GCGR: variants seen among roughly 807,000 people sequenced by gnomAD.
GCGR encodes glucagon receptor.
Under a neutral mutation model 56.1 loss-of-function variants are expected in GCGR, and 41 were observed. The ratio of observed to expected loss-of-function variants is 0.73; its 90% confidence interval spans 0.57 to 0.95. GCGR has a LOEUF of 0.95. Among genes scored for constraint, GCGR ranks in the 40% least tolerant of loss-of-function variants. The pLI is 0.00. For synonymous variants in GCGR, 278 were observed against 271.1 expected (o/e 1.03, Z -0.25); for missense variants, 595 against 638.2 (o/e 0.93, Z 0.73).
chr17:81,812,924 C>T lies in GCGR; in HGVS notation c.1155C>T (p.Asp385=). Reference sequence around the variant, plus strand: ...TGCGCTCCGCCAAGCTCTTCTTCGACCTCTTCCTCAGCTCCTTCCAGGTGC... The same window carrying T: ...TGCGCTCCGCCAAGCTCTTCTTCGATCTCTTCCTCAGCTCCTTCCAGGTGC... The part of the protein sequence containing the change: ...GTLRSAKLFF[D]LFLSSFQGLL... Residue 385 remains aspartate (D), a synonymous_variant, in exon 12 of 14, where the codon GAC becomes GAT. Coordinates refer to ENST00000400723, the MANE Select transcript of GCGR (RefSeq NM_000160.5). The surrounding 1 kb of genome is among the most constrained non-coding windows in gnomAD (Gnocchi z 8.5). 6.5e-7 allele frequency: 1 copy of T among 1,536,052 alleles called. No individual in the cohort carries two copies. The highest frequency in any genetic ancestry group is 1.2e-5 in the South Asian group (1 of 84,044).
At position 81,811,785 on chromosome 17, in the gene GCGR, C is replaced by T; in HGVS notation, c.792C>T (p.Phe264=). 6.5e-7 allele frequency: 1 copy of T among 1,537,544 alleles called. No individual in the cohort carries two copies. Among genetic ancestry groups the T allele is most frequent in the Non-Finnish European group, 8.7e-7 (1 of 1,147,140 alleles). The change falls in exon 8 of 14, where the codon TTC becomes TTT. Residue 264 remains phenylalanine, a synonymous_variant. Coordinates refer to ENST00000400723, the MANE Select transcript of GCGR (RefSeq NM_000160.5). This position sits in a 1 kb window ranked among gnomAD's most constrained non-coding sequence, Gnocchi z 5.8. Reference sequence around the variant, plus strand: ...CCACCCTCCCCGAGAGGAGCTTCTTCAGCCTCTACCTGGGCATCGGCTGGG... The same window carrying T: ...CCACCCTCCCCGAGAGGAGCTTCTTTAGCCTCTACCTGGGCATCGGCTGGG... ...GLATLPERSF[F]SLYLGIGWGA...
chr17:81,810,544 T>TG lies in GCGR; in HGVS notation c.164-275dup, dbSNP rs779409372. Among the ~76,000 whole-genome samples the TG allele has an allele frequency of 6.6e-5, 10 of 151,788 alleles. No homozygotes were observed. Among genetic ancestry groups the TG allele is most frequent in the Admixed American group, 2.0e-4 (3 of 15,258 alleles). ...GTGTGGGTTTGGGGCACATTTGAGA[T>TG]GGGGGGTCTCCAAGGGAAGGTGTCC... On this transcript the variant is annotated intron_variant, in intron 3 of 13. Coordinates refer to ENST00000400723, the MANE Select transcript of GCGR (RefSeq NM_000160.5). The surrounding 1 kb of genome is among the most constrained non-coding windows in gnomAD (Gnocchi z 4.6).
Position 81,809,821 on chromosome 17 carries a change from G to A in GCGR, c.100G>A (p.Glu34Lys). Residue 34 changes from glutamate to lysine, a missense_variant, in exon 3 of 14, where the codon GAG becomes AAG. Physicochemically the swap from Glu to Lys is moderately conservative, Grantham distance 56. Coordinates refer to ENST00000400723, the MANE Select transcript of GCGR (RefSeq NM_000160.5). The stretch of plus-strand genomic sequence containing the variant: ...CGCTCAGGTGATGGACTTCCTGTTT[G>A]AGAAGTGGAAGCTCTACGGTGACCA... The part of the protein sequence containing the change: ...PSAQVMDFLF[E>K]KWKLYGDQCH... The A allele has an allele frequency of 6.5e-7, 1 of 1,536,726 alleles. No individual in the cohort carries two copies. The highest frequency in any genetic ancestry group is 8.7e-7 in the Non-Finnish European group (1 of 1,146,880).
chr17:81,805,713 C>A (rs2037948604), intron 1 of GCGR, among the ~76,000 whole-genome samples: 1 of 152,094 alleles, frequency 6.6e-6, no homozygotes, highest in Admixed American at 6.5e-5. Context: ...ACCTTGGGAA[C>A]CCCTCCCCTA....
rs1272763400 is a variant in GCGR at position 81,813,459 on chromosome 17, C to T, written c.1219-15C>T. On this transcript the variant is annotated splice_polypyrimidine_tract_variant and intron_variant, in intron 13 of 13. Transcript: ENST00000400723. The surrounding 1 kb of genome is among the most constrained non-coding windows in gnomAD (Gnocchi z 5.3). ...GGCAGGCCCTAGGACTGGCCTGCCCCGTCCCCCTCCCCAGGTGCAGTCGGA... is the reference window on the plus strand; with the variant it reads ...GGCAGGCCCTAGGACTGGCCTGCCCTGTCCCCCTCCCCAGGTGCAGTCGGA... The T allele has an allele frequency of 5.2e-6, 8 of 1,533,598 alleles. No individual in the cohort carries two copies. Among genetic ancestry groups the T allele is most frequent in the African/African-American group, 1.4e-5 (1 of 73,072 alleles). The allele number at this position is 1,533,598 out of a possible 1,614,324, so 95.0% of individuals were successfully genotyped here.
At position 81,810,962 on chromosome 17, in the gene GCGR, G is replaced by T. The variant is rs1221168918; in HGVS notation, c.271+30G>T. On this transcript the variant is annotated intron_variant, in intron 4 of 13. Coordinates refer to ENST00000400723, the MANE Select transcript of GCGR (RefSeq NM_000160.5). This position sits in a 1 kb window ranked among gnomAD's most constrained non-coding sequence, Gnocchi z 4.6. The stretch of plus-strand genomic sequence containing the variant: ...CCATAGAGGGGAGGAACTGTGGGGG[G>T]GGCGGGCCCAGGGTGGGGCTGACCC... 1.8e-5 allele frequency: 28 copies of T among 1,535,160 alleles called. No homozygotes were observed. The highest frequency in any genetic ancestry group is 2.4e-5 in the Non-Finnish European group (27 of 1,146,094).
At position 81,811,515 on chromosome 17, in the gene GCGR, G is replaced by C. The variant is rs1190563230; in HGVS notation, c.612G>C (p.Gln204His). 4 of 1,536,630 alleles carry C rather than the reference G, an allele frequency of 2.6e-6. No individual in the cohort carries two copies. Among genetic ancestry groups the C allele is most frequent in the Non-Finnish European group, 1.7e-6 (2 of 1,146,862 alleles). The change falls in exon 7 of 14, where the codon CAG becomes CAC. Residue 204 changes from glutamine to histidine, a missense_variant. Coordinates refer to ENST00000400723, the MANE Select transcript of GCGR (RefSeq NM_000160.5). This position sits in a 1 kb window ranked among gnomAD's most constrained non-coding sequence, Gnocchi z 5.8. ...GGCTGCTCAGGACCCGCTACAGCCAGAAAATTGGCGACGACCTCAGTGTCA... is the reference window on the plus strand; with the variant it reads ...GGCTGCTCAGGACCCGCTACAGCCACAAAATTGGCGACGACCTCAGTGTCA... ...IDGLLRTRYS[Q>H]KIGDDLSVST...
At position 81,810,356 on chromosome 17, in the gene GCGR, A is replaced by G. The variant is rs560039246; in HGVS notation, c.164-469A>G. The stretch of plus-strand genomic sequence containing the variant: ...GGTTCGGATGAGGGAGGCAGCCACC[A>G]CTGGGCAGAGGGGGGCAGGTGTGGC... On this transcript the variant is annotated intron_variant, in intron 3 of 13. Transcript: ENST00000400723. This position sits in a 1 kb window ranked among gnomAD's most constrained non-coding sequence, Gnocchi z 4.6. 2.1e-5 allele frequency: 7 copies of G among 327,544 alleles called. No individual in the cohort carries two copies. In the East Asian group the frequency reaches 3.1e-4, roughly 15 times the overall value. 20.3% of individuals were successfully genotyped at this position (327,544 alleles called of 1,614,324 possible).
At position 81,813,768 on chromosome 17, in the gene GCGR, C is replaced by T. The variant is rs1021117465; in HGVS notation, c.*79C>T. 24 of 1,397,886 alleles carry T rather than the reference C, an allele frequency of 1.7e-5. No individual in the cohort carries two copies. Among genetic ancestry groups the T allele is most frequent in the Non-Finnish European group, 2.3e-5 (24 of 1,041,416 alleles). 86.6% of individuals were successfully genotyped at this position (1,397,886 alleles called of 1,614,324 possible). A position where few individuals can be genotyped will look rare whatever the true frequency, so the allele number is the denominator to read the frequency against. ...GGACAACCCAGAACTGGACGCCCAG[C>T]TGAGGCTGGGGGCGGGGGAGCCAAC... On this transcript the variant is annotated 3_prime_UTR_variant, in exon 14 of 14. Transcript: ENST00000400723. The surrounding 1 kb of genome is among the most constrained non-coding windows in gnomAD (Gnocchi z 5.3).
Position 81,811,344 on chromosome 17 carries a change from C to G in GCGR, c.500+16C>G. 1 of 1,534,444 alleles carries G rather than the reference C, an allele frequency of 6.5e-7. No homozygotes were observed. The highest frequency in any genetic ancestry group is 8.7e-7 in the Non-Finnish European group (1 of 1,145,504). ...GGGGCCTCAGGTAGGATTCCGCCAG[C>G]GCCCGGGGCGGCCGCAGAGGACAGG... On this transcript the variant is annotated intron_variant, in intron 6 of 13. Transcript: ENST00000400723. This position sits in a 1 kb window ranked among gnomAD's most constrained non-coding sequence, Gnocchi z 5.8.
chr17:81,810,462 G>C lies in GCGR; in HGVS notation c.164-363G>C, dbSNP rs1001342989. The C allele has an allele frequency of 1.5e-5, 6 of 390,886 alleles. No individual in the cohort carries two copies. Among genetic ancestry groups the C allele is most frequent in the African/African-American group, 1.2e-4 (6 of 48,956 alleles). 24.2% of individuals were successfully genotyped at this position (390,886 alleles called of 1,614,324 possible). ...TGGGAAGGATGAAAATGGCATTGGG[G>C]TTCAGCCCCCAGAGAGGGAGGTGCT... On this transcript the variant is annotated intron_variant, in intron 3 of 13. Coordinates refer to ENST00000400723, the MANE Select transcript of GCGR (RefSeq NM_000160.5). The surrounding 1 kb of genome is among the most constrained non-coding windows in gnomAD (Gnocchi z 4.6).
At chr17:81,807,650 C>T (rs758521570) in intron 1 of GCGR, among the ~76,000 whole-genome samples, 6 of 152,254 alleles carry the variant, frequency 3.9e-5, no homozygotes, top group African/African-American at 1.4e-4. Flanking sequence ...CCATCCACAC[C>T]TCTTATTCCA....
rs971874837 is a variant in GCGR, at chr17:81,810,125, A to G, written c.163+241A>G. On this transcript the variant is annotated intron_variant, in intron 3 of 13. Transcript: ENST00000400723. The surrounding 1 kb of genome is among the most constrained non-coding windows in gnomAD (Gnocchi z 4.6). Reference sequence around the variant, plus strand: ...AACAGAACGGTGGCATTGCCCCAGAACCGGCTGCTGCTGCTGCCCCCAGGC... The same window carrying G: ...AACAGAACGGTGGCATTGCCCCAGAGCCGGCTGCTGCTGCTGCCCCCAGGC... 6.8e-6 allele frequency: 4 copies of G among 585,196 alleles called. No individual in the cohort carries two copies. The highest frequency in any genetic ancestry group is 1.2e-5 in the Non-Finnish European group (4 of 321,008). The allele number at this position is 585,196 out of a possible 1,614,324, so 36.3% of individuals were successfully genotyped here. A position where few individuals can be genotyped will look rare whatever the true frequency, so the allele number is the denominator to read the frequency against.
intron 1 of GCGR, among the ~76,000 whole-genome samples, chr17:81,807,011 TG>T (rs2037978962): frequency 6.6e-6 from 1 of 151,946 alleles, no homozygotes; most frequent in Non-Finnish European, 1.5e-5. Flanking sequence ...GTGCACACAG[TG>T]GGGAGAGGCG....
Position 81,810,143 on chromosome 17 carries a change from C to A in GCGR, c.163+259C>A. On this transcript the variant is annotated intron_variant, in intron 3 of 13. Coordinates refer to ENST00000400723, the MANE Select transcript of GCGR (RefSeq NM_000160.5). This position sits in a 1 kb window ranked among gnomAD's most constrained non-coding sequence, Gnocchi z 4.6. The stretch of plus-strand genomic sequence containing the variant: ...CCCCAGAACCGGCTGCTGCTGCTGC[C>A]CCCAGGCCCAGATGGGTAATACCAC... The A allele has an allele frequency of 1.8e-6, 1 of 565,028 alleles. No individual in the cohort carries two copies. Among genetic ancestry groups the A allele is most frequent in the Non-Finnish European group, 3.2e-6 (1 of 309,374 alleles). 35.0% of individuals were successfully genotyped at this position (565,028 alleles called of 1,614,324 possible).
At position 81,808,868 on chromosome 17, in the gene GCGR, C is replaced by T. The variant is rs562668627; in HGVS notation, c.-151C>T. ...ACCCTGAGGCTCAGAGGGGCAGCTT[C>T]AGGGGAGGACACCCCACTGGCCAGG... On this transcript the variant is annotated 5_prime_UTR_variant, in exon 2 of 14. Coordinates refer to ENST00000400723, the MANE Select transcript of GCGR (RefSeq NM_000160.5). 3 of 912,938 alleles carry T rather than the reference C, an allele frequency of 3.3e-6. No individual in the cohort carries two copies. The highest frequency in any genetic ancestry group is 5.1e-6 in the Non-Finnish European group (3 of 589,092). The allele number at this position is 912,938 out of a possible 1,614,324, so 56.6% of individuals were successfully genotyped here.
At position 81,812,894 on chromosome 17, in the gene GCGR, C is replaced by A. The variant is rs1358874833; in HGVS notation, c.1125C>A (p.Gly375=). ...FAFVTDEHAQ[G]TLRSAKLFFD... ...TCGTGACGGACGAGCACGCCCAGGG[C>A]ACCCTGCGCTCCGCCAAGCTCTTCT... Residue 375 remains glycine, a synonymous_variant, in exon 12 of 14, where the codon GGC becomes GGA. Transcript: ENST00000400723. This position sits in a 1 kb window ranked among gnomAD's most constrained non-coding sequence, Gnocchi z 8.5. 2.0e-6 allele frequency: 3 copies of A among 1,536,022 alleles called. No homozygotes were observed. The highest frequency in any genetic ancestry group is 2.4e-5 in the East Asian group (1 of 40,922).
chr17:81,812,822 G>A lies in GCGR; in HGVS notation c.1053G>A (p.Thr351=), dbSNP rs146494710. The change falls in exon 12 of 14, where the codon ACG becomes ACA. Residue 351 remains threonine (T), a synonymous_variant. Transcript: ENST00000400723. This position sits in a 1 kb window ranked among gnomAD's most constrained non-coding sequence, Gnocchi z 8.5. ...TDYKFRLAKS[T]LTLIPLLGVH... ...GCCTCTGCAGGCTGGCCAAGTCCAC[G>A]CTGACCCTCATCCCTCTGCTGGGCG... 94 of 1,535,814 alleles carry A rather than the reference G, an allele frequency of 6.1e-5. No homozygotes were observed. Among genetic ancestry groups the A allele is most frequent in the East Asian group, 2.9e-4 (12 of 40,898 alleles).
At chr17:81,809,654 C>G in intron 2 of GCGR, 128 bp from the exon 3 acceptor site, 1 of 697,768 alleles carries the variant, frequency 1.4e-6, no homozygotes, top group Non-Finnish European at 2.5e-6. Context: ...TGCCTGTCTG[C>G]CTGTCTGTCT....
Sources: gnomAD v4.1 joint callset for allele counts (sites outside exome capture counted in the v4.1 genomes callset) on GRCh38, gnomAD v4.1.1 for gene constraint, Gnocchi (gnomAD v3.1) non-coding constraint, MANE v1.5 for transcripts, NCBI Gene and HGNC (gene_info 2026-07-23, HGNC 2026-07-21) for gene names.